Variants in CCND2 observed in about 807,000 individuals in gnomAD.
The protein encoded by CCND2 is cyclin D2.
CCND2 carries 6 observed loss-of-function variants against 30.2 expected under a neutral mutation model. The observed-to-expected ratio is 0.20, with a 90% confidence interval of 0.11 to 0.39. CCND2 has a LOEUF of 0.39. Among genes scored for constraint, CCND2 ranks in the 10% least tolerant of loss-of-function variants. The pLI is 1.00. For missense variants in CCND2, 235 were observed against 373.4 expected (o/e 0.63, Z 3.06); for synonymous variants, 150 against 153.1 (o/e 0.98, Z 0.15).
In CCND2 at chr12:4,301,695, T is replaced by G. The variant is rs1407876395; in HGVS notation, c.*1686T>G. ...TTTTGTTCAGTTTGGTTTTTTTTTT[T>G]TTTTGCGCTGCTAAGAAGCTAAAGT... On this transcript the variant is annotated 3_prime_UTR_variant, in exon 5 of 5. Coordinates refer to ENST00000261254, the MANE Select transcript of CCND2 (RefSeq NM_001759.4). 4.4e-6 allele frequency: 1 copy of G among 228,956 alleles called. No individual in the cohort carries two copies. The highest frequency in any genetic ancestry group is 8.7e-6 in the Non-Finnish European group (1 of 115,494). The allele number at this position is 228,956 out of a possible 1,614,324, so 14.2% of individuals were successfully genotyped here. A position where few individuals can be genotyped will look rare whatever the true frequency, so the allele number is the denominator to read the frequency against.
chr12:4,280,177 G>A (rs1367364877), intron 3 of CCND2, among the ~76,000 whole-genome samples: 1 of 152,282 alleles, frequency 6.6e-6, no homozygotes, highest in Non-Finnish European at 1.5e-5. Flanking sequence ...GATGCACGTG[G>A]ACGTGCTTTG....
rs113207644 is a variant in CCND2 at position 4,276,765 on chromosome 12, C to CG, written c.411+545_411+546insG. ...AAATGTGGCCTTTCACTGAAGGAGT[C>CG]CGAGGCCTGGGTTCCTACCTCCAGT... On this transcript the variant is annotated intron_variant, in intron 2 of 4. Coordinates refer to ENST00000261254, the MANE Select transcript of CCND2 (RefSeq NM_001759.4). The surrounding 1 kb of genome is among the most constrained non-coding windows in gnomAD (Gnocchi z 4.8). Among the ~76,000 whole-genome samples, 3 of 152,318 alleles carry CG rather than the reference C, an allele frequency of 2.0e-5. No homozygotes were observed. The highest frequency in any genetic ancestry group is 7.2e-5 in the African/African-American group (3 of 41,546).
In CCND2 at chr12:4,276,636, C is replaced by G. The variant is rs140175579; in HGVS notation, c.411+416C>G. On this transcript the variant is annotated intron_variant, in intron 2 of 4. Coordinates refer to ENST00000261254, the MANE Select transcript of CCND2 (RefSeq NM_001759.4). This position sits in a 1 kb window ranked among gnomAD's most constrained non-coding sequence, Gnocchi z 4.8. Reference sequence around the variant, plus strand: ...ATGTGGCTGTGGTGTCTCCTAAAAACTTGGAGTTCAAAGGTAATGCCCTCT... The same window carrying G: ...ATGTGGCTGTGGTGTCTCCTAAAAAGTTGGAGTTCAAAGGTAATGCCCTCT... 6.6e-6 allele frequency among the ~76,000 whole-genome samples: 1 copy of G among 152,344 alleles called. No individual in the cohort carries two copies. Among genetic ancestry groups the G allele is most frequent in the Non-Finnish European group, 1.5e-5 (1 of 68,018 alleles).
At chr12:4,278,537 C>T in intron 2 of CCND2, 1 of 437,700 alleles carries the variant, frequency 2.3e-6, no homozygotes. Context: ...GCTACCTGGG[C>T]TCTCATTATT....
rs187934759 is a variant in CCND2 at position 4,293,157 on chromosome 12, G to C, written c.720+4167G>C. On this transcript the variant is annotated intron_variant, in intron 4 of 4. Transcript: ENST00000261254. The surrounding 1 kb of genome is among the most constrained non-coding windows in gnomAD (Gnocchi z 4.9). ...TCTTTAACTTCAATTCTGTGTCAGG[G>C]CCTTCCGAGCCTTCTGAGTTTTCCC... Among the ~76,000 whole-genome samples, 1 of 152,294 alleles carries C rather than the reference G, an allele frequency of 6.6e-6. No homozygotes were observed. Among genetic ancestry groups the C allele is most frequent in the African/African-American group, 2.4e-5 (1 of 41,544 alleles).
intron 4 of CCND2, among the ~76,000 whole-genome samples, chr12:4,294,168 G>C (rs552020205): frequency 6.6e-6 from 1 of 152,146 alleles, no homozygotes; most frequent in South Asian, 2.1e-4. Flanking sequence ...GGCAGAGGAG[G>C]GTGCAGGGCG....
intron 3 of CCND2, among the ~76,000 whole-genome samples, chr12:4,286,943 C>T (rs1385709617): frequency 6.6e-6 from 1 of 152,180 alleles, no homozygotes; most frequent in Non-Finnish European, 1.5e-5. Context: ...GGCCATGGGC[C>T]GGCTGCCCCG....
In CCND2 at chr12:4,301,404, C is replaced by T. The variant is rs987233527; in HGVS notation, c.*1395C>T. ...AATTTTATTGCAAAGTTGTATTCAG[C>T]GTACTTGAATTTTTCTTCCTCTCCA... On this transcript the variant is annotated 3_prime_UTR_variant, in exon 5 of 5. Transcript: ENST00000261254. The T allele has an allele frequency of 1.3e-5, 3 of 230,694 alleles. No individual in the cohort carries two copies. The highest frequency in any genetic ancestry group is 6.7e-5 in the African/African-American group (3 of 44,462). The allele number at this position is 230,694 out of a possible 1,614,324, so 14.3% of individuals were successfully genotyped here. A position where few individuals can be genotyped will look rare whatever the true frequency, so the allele number is the denominator to read the frequency against.
chr12:4,291,234 T>TGTGTGTGTGTGTGTGTGTGTGTGTGTG (rs6144591), intron 4 of CCND2, among the ~76,000 whole-genome samples: 31 of 151,244 alleles, frequency 2.0e-4, no homozygotes, highest in South Asian at 1.0e-3. Context: ...TGTGTGTGTG[T>TGTGTGTGTGTGTGTGTGTGTGTGTGTG]TTATGCACCT....
rs1445442476 is a variant in CCND2, at chr12:4,293,348, A to T, written c.720+4358A>T. Among the ~76,000 whole-genome samples the T allele has an allele frequency of 6.6e-6, 1 of 152,222 alleles. No homozygotes were observed. The highest frequency in any genetic ancestry group is 1.5e-5 in the Non-Finnish European group (1 of 68,040). Reference sequence around the variant, plus strand: ...GAAAGACTCTAGTCATCTGTTCCTTATATTTATCCTTTTTTGTCTAAGTCA... The same window carrying T: ...GAAAGACTCTAGTCATCTGTTCCTTTTATTTATCCTTTTTTGTCTAAGTCA... On this transcript the variant is annotated intron_variant, in intron 4 of 4. Transcript: ENST00000261254. This position sits in a 1 kb window ranked among gnomAD's most constrained non-coding sequence, Gnocchi z 4.9.
Position 4,276,227 on chromosome 12 carries a change from A to T in CCND2, c.411+7A>T, listed in dbSNP as rs372384965. 7.5e-6 allele frequency: 12 copies of T among 1,610,514 alleles called. No homozygotes were observed. The African/African-American group carries it at 1.6e-4, about 21-fold the overall frequency. On this transcript the variant is annotated splice_region_variant and intron_variant, in intron 2 of 4. Transcript: ENST00000261254. The surrounding 1 kb of genome is among the most constrained non-coding windows in gnomAD (Gnocchi z 4.8). The stretch of plus-strand genomic sequence containing the variant: ...CAAGCCTCAGGAGCTGCTGGTAATG[A>T]CCGGCCCCTTCCTCCCTTCCTTTCT...
intron 4 of CCND2, among the ~76,000 whole-genome samples, chr12:4,296,399 C>T (rs997615639): frequency 3.9e-5 from 6 of 152,248 alleles, no homozygotes; most frequent in Non-Finnish European, 8.8e-5. Flanking sequence ...GGAAAGTATT[C>T]ACCAAGGGCT....
rs1864280581 is a variant in CCND2, at chr12:4,303,642, C to T, written c.*3633C>T. On this transcript the variant is annotated 3_prime_UTR_variant, in exon 5 of 5. Transcript: ENST00000261254. This position sits in a 1 kb window ranked among gnomAD's most constrained non-coding sequence, Gnocchi z 4.6. ...TAGTATGCCAAAAATATATGCTAAGCATAATTAAACTCCATGCGGGTCCAT... is the reference window on the plus strand; with the variant it reads ...TAGTATGCCAAAAATATATGCTAAGTATAATTAAACTCCATGCGGGTCCAT... The T allele has an allele frequency of 4.3e-6, 1 of 233,488 alleles. No homozygotes were observed. The highest frequency in any genetic ancestry group is 1.8e-4 in the South Asian group (1 of 5,526). The allele number at this position is 233,488 out of a possible 1,614,324, so 14.5% of individuals were successfully genotyped here.
At chr12:4,296,977 G>A (rs1171000380) in intron 4 of CCND2, among the ~76,000 whole-genome samples, 1 of 152,182 alleles carries the variant, frequency 6.6e-6, no homozygotes. Flanking sequence ...ATGTACCGTG[G>A]AGTGAGCATC....
chr12:4,297,883 G>A (rs775114926), intron 4 of CCND2: 28 of 447,462 alleles, frequency 6.3e-5, no homozygotes, highest in South Asian at 2.5e-4. Context: ...AGGGTGGCAC[G>A]GAGACTCCTG....
At chr12:4,280,967 C>G (rs1047542841) in intron 3 of CCND2, among the ~76,000 whole-genome samples, 1 of 152,220 alleles carries the variant, frequency 6.6e-6, no homozygotes, top group Admixed American at 6.5e-5. Context: ...CCTTCTTGCC[C>G]AGATCTTTGG....
In CCND2 at chr12:4,293,682, G is replaced by A. The variant is rs1864129500; in HGVS notation, c.720+4692G>A. On this transcript the variant is annotated intron_variant, in intron 4 of 4. Coordinates refer to ENST00000261254, the MANE Select transcript of CCND2 (RefSeq NM_001759.4). This position sits in a 1 kb window ranked among gnomAD's most constrained non-coding sequence, Gnocchi z 4.9. ...TATTAAAAAGCAGGGAGGTGGAGGCGCCGTGGAAGAAGTCTCAGTTTCGAC... is the reference window on the plus strand; with the variant it reads ...TATTAAAAAGCAGGGAGGTGGAGGCACCGTGGAAGAAGTCTCAGTTTCGAC... 6.6e-6 allele frequency among the ~76,000 whole-genome samples: 1 copy of A among 152,180 alleles called. No homozygotes were observed. The highest frequency in any genetic ancestry group is 2.4e-5 in the African/African-American group (1 of 41,430).
chr12:4,302,727 G>A lies in CCND2; in HGVS notation c.*2718G>A. ...ATAAGTATGGGATGATAGTTGAAGG[G>A]AGGTGAAGAGGCTGCTTCTCTACAG... On this transcript the variant is annotated 3_prime_UTR_variant, in exon 5 of 5. Transcript: ENST00000261254. 4.3e-6 allele frequency: 1 copy of A among 233,474 alleles called. No individual in the cohort carries two copies. Among genetic ancestry groups the A allele is most frequent in the East Asian group, 6.0e-5 (1 of 16,596 alleles). 14.5% of individuals were successfully genotyped at this position (233,474 alleles called of 1,614,324 possible). A position where few individuals can be genotyped will look rare whatever the true frequency, so the allele number is the denominator to read the frequency against.
rs561968757 is a variant in CCND2 at position 4,287,921 on chromosome 12, C to A, written c.572-921C>A. On this transcript the variant is annotated intron_variant, in intron 3 of 4. Coordinates refer to ENST00000261254, the MANE Select transcript of CCND2 (RefSeq NM_001759.4). This position sits in a 1 kb window ranked among gnomAD's most constrained non-coding sequence, Gnocchi z 4.0. ...AGGAGCCCTCTAGCATGGCAGTGGA[C>A]GGGGTTCAAGCCCCTCTGATTTATT... is the stretch of plus-strand genomic sequence containing the variant. Among the ~76,000 whole-genome samples, 131 of 152,304 alleles carry A rather than the reference C, an allele frequency of 8.6e-4. No individual in the cohort carries two copies. Among genetic ancestry groups the A allele is most frequent in the South Asian group, 2.9e-3 (14 of 4,832 alleles).
Sources: allele counts gnomAD v4.1 joint callset (sites outside exome capture counted in the v4.1 genomes callset), GRCh38; gene constraint gnomAD v4.1.1; non-coding constraint Gnocchi (gnomAD v3.1); transcripts MANE v1.5; gene names NCBI Gene and HGNC (gene_info 2026-07-23, HGNC 2026-07-21).